KDM4C: variants seen among roughly 807,000 people sequenced by gnomAD.
KDM4C encodes the protein lysine demethylase 4C, also known as lysine-specific demethylase 4C.
Under a neutral mutation model 129.3 loss-of-function variants are expected in KDM4C, and 81 were observed. That is an observed-to-expected ratio of 0.63 (90% CI 0.52 to 0.75). KDM4C has a LOEUF of 0.75. Ranked by LOEUF, KDM4C falls within the 30% of genes least tolerant of loss-of-function variation. KDM4C has a pLI of 0.00. For missense variants in KDM4C, 1,457 were observed against 1,304.0 expected (o/e 1.12, Z -1.81); for synonymous variants, 573 against 456.1 (o/e 1.26, Z -3.26).
At chr9:6,946,986 T>C (rs2131455385) in intron 8 of KDM4C, among the ~76,000 whole-genome samples, 1 of 152,258 alleles carries the variant, frequency 6.6e-6, no homozygotes, top group South Asian at 2.1e-4. Context: ...TGATCCCAAC[T>C]GGTCTAAGTC....
intron 1 of KDM4C, among the ~76,000 whole-genome samples, chr9:6,734,375 A>G (rs924427064): frequency 6.7e-6 from 1 of 148,716 alleles, no homozygotes; most frequent in African/African-American, 2.5e-5. Flanking sequence ...GCCCACCACA[A>G]CCTCTGCCTC....
intron 1 of KDM4C, among the ~76,000 whole-genome samples, chr9:6,789,177 G>A (rs1212337985): frequency 1.3e-5 from 2 of 150,628 alleles, no homozygotes; most frequent in East Asian, 2.0e-4. Flanking sequence ...CTCAGCCTCC[G>A]AGTAGCTGGG....
At chr9:6,855,069 G>A (rs1588711274) in intron 5 of KDM4C, among the ~76,000 whole-genome samples, 1 of 152,148 alleles carries the variant, frequency 6.6e-6, no homozygotes, top group Non-Finnish European at 1.5e-5. Context: ...AGATGTTAAC[G>A]TTTCATACAT....
At chr9:7,089,940 G>A (rs1278212870) in intron 17 of KDM4C, among the ~76,000 whole-genome samples, 1 of 152,238 alleles carries the variant, frequency 6.6e-6, no homozygotes, top group African/African-American at 2.4e-5. Flanking sequence ...CTTGAACTGT[G>A]GCTTAAAGCA....
chr9:7,174,523 C>T lies in KDM4C; in HGVS notation c.2995-30C>T, dbSNP rs746476688. 17 of 1,609,798 alleles carry T rather than the reference C, an allele frequency of 1.1e-5. No homozygotes were observed. In the African/African-American group the frequency reaches 2.0e-4, roughly 19 times the overall value. On this transcript the variant is annotated intron_variant, in intron 21 of 21. Coordinates refer to ENST00000381309, the MANE Select transcript of KDM4C (RefSeq NM_015061.6). The stretch of plus-strand genomic sequence containing the variant: ...TGTTCTGAAGATCAAATGCCGTGCC[C>T]TTTTGCAATATAACACCAGCTGCTT...
intron 3 of KDM4C, among the ~76,000 whole-genome samples, chr9:6,807,815 G>A (rs1308296112): frequency 2.8e-5 from 4 of 142,948 alleles, no homozygotes; most frequent in Admixed American, 6.9e-5. Flanking sequence ...CCCCCCGCCC[G>A]GCCAGCCGCC....
At chr9:6,884,193 C>G (rs2381514) in intron 6 of KDM4C, among the ~76,000 whole-genome samples, 81,013 of 151,728 alleles carry the variant, frequency 0.53, 21,802 homozygotes, top group East Asian at 0.68. Flanking sequence ...GTGAGGCCTG[C>G]GAAAGGATAA....
chr9:6,743,057 C>G (rs1443312894), intron 1 of KDM4C, among the ~76,000 whole-genome samples: 4 of 152,050 alleles, frequency 2.6e-5, no homozygotes, highest in Non-Finnish European at 5.9e-5. Flanking sequence ...AGGAAAAAAT[C>G]AATCAGCAAA....
chr9:6,756,726 T>A (rs1003740023), upstream of KDM4C, among the ~76,000 whole-genome samples: 4 of 151,804 alleles, frequency 2.6e-5, no homozygotes, highest in African/African-American at 7.3e-5. Flanking sequence ...CAAAAAAGAG[T>A]GTGTCTGTGT....
chr9:6,914,883 T>C (rs988082406), intron 8 of KDM4C, among the ~76,000 whole-genome samples: 3 of 152,234 alleles, frequency 2.0e-5, no homozygotes, highest in Non-Finnish European at 4.4e-5. Flanking sequence ...CCTCTAAAAC[T>C]GTGAACAGTA....
intron 18 of KDM4C, among the ~76,000 whole-genome samples, chr9:7,118,664 CCTG>C (rs1171218134): frequency 6.6e-6 from 1 of 152,128 alleles, no homozygotes; most frequent in Non-Finnish European, 1.5e-5. Flanking sequence ...CAAATGGAAA[CCTG>C]CTCTTTGGCC....
At chr9:7,087,393 A>G (rs1393284618) in intron 17 of KDM4C, among the ~76,000 whole-genome samples, 4 of 152,142 alleles carry the variant, frequency 2.6e-5, no homozygotes, top group Non-Finnish European at 4.4e-5. Flanking sequence ...TCTGAGATAC[A>G]TTTCCAATAA....
intron 19 of KDM4C, among the ~76,000 whole-genome samples, chr9:7,161,736 G>C (rs752721703): frequency 1.3e-5 from 2 of 152,146 alleles, no homozygotes; most frequent in Admixed American, 6.5e-5. Context: ...AATAGGTTTT[G>C]AATTAGTGAT....
intron 19 of KDM4C, among the ~76,000 whole-genome samples, chr9:7,141,683 G>A (rs1841754361): frequency 6.6e-6 from 1 of 152,156 alleles, no homozygotes; most frequent in Admixed American, 6.5e-5. Context: ...TTCAGACTTG[G>A]TTGTGTTGGA....
At chr9:6,826,781 C>A (rs7872592) in intron 4 of KDM4C, among the ~76,000 whole-genome samples, 13 of 151,770 alleles carry the variant, frequency 8.6e-5, no homozygotes, top group Non-Finnish European at 1.2e-4. Context: ...GCAGGAGAAT[C>A]GCTTGAACCT....
chr9:6,837,623 T>C (rs1836124173), intron 4 of KDM4C, among the ~76,000 whole-genome samples: 1 of 152,226 alleles, frequency 6.6e-6, no homozygotes, highest in Admixed American at 6.5e-5. Flanking sequence ...TTTCATGTCT[T>C]TATCGGCCAT....
At chr9:6,804,229 G>A (rs979989072) in intron 2 of KDM4C, among the ~76,000 whole-genome samples, 2 of 152,190 alleles carry the variant, frequency 1.3e-5, no homozygotes, top group African/African-American at 4.8e-5. Context: ...GGCAAACACT[G>A]GTGTGCTGAG....
intron 5 of KDM4C, among the ~76,000 whole-genome samples, chr9:6,865,802 G>A (rs146474875): frequency 0.017 from 2,518 of 151,834 alleles, 66 homozygotes; most frequent in African/African-American, 0.056. Context: ...CCAGGCTGGA[G>A]TGCAGTGGCG....
chr9:6,799,050 G>C (rs1828376760), intron 2 of KDM4C, among the ~76,000 whole-genome samples: 2 of 150,770 alleles, frequency 1.3e-5, no homozygotes, highest in Non-Finnish European at 1.5e-5. Context: ...GTGGGATGGC[G>C]GCCGGGCAGA....
Sources: gnomAD v4.1 joint callset for allele counts (sites outside exome capture counted in the v4.1 genomes callset) on GRCh38, gnomAD v4.1.1 for gene constraint, MANE v1.5 for transcripts, NCBI Gene and HGNC (gene_info 2026-07-23, HGNC 2026-07-21) for gene names.